LINGO1: variants seen among roughly 807,000 people sequenced by gnomAD.
LINGO1 encodes the protein leucine-rich repeat and immunoglobulin-like domain-containing nogo receptor-interacting protein 1.
LINGO1 carries 11 observed loss-of-function variants against 37.3 expected under a neutral mutation model. The ratio of observed to expected loss-of-function variants is 0.29; its 90% confidence interval spans 0.19 to 0.49. LINGO1 has a LOEUF of 0.49. Ranked by LOEUF, LINGO1 falls within the 20% of genes least tolerant of loss-of-function variation. The probability of loss-of-function intolerance (pLI) is 0.99; values close to 1 mark genes in which losing one functional copy is unlikely to be tolerated. For missense variants in LINGO1, 585 were observed against 878.2 expected (o/e 0.67, Z 4.22); for synonymous variants, 387 against 403.0 (o/e 0.96, Z 0.48).
At chr15:77,714,408 C>T (rs1258320912) in intron 2 of LINGO1, among the ~76,000 whole-genome samples, 4 of 152,148 alleles carry the variant, frequency 2.6e-5, no homozygotes, top group Non-Finnish European at 4.4e-5. Context: ...ATTCACGGCC[C>T]CCTGCCCCTT....
intron 1 of LINGO1, among the ~76,000 whole-genome samples, chr15:77,803,011 C>T (rs897572326): frequency 1.3e-5 from 2 of 152,168 alleles, no homozygotes. Context: ...TGTTCCTCAA[C>T]AGAACTGAGC....
At chr15:77,747,449 C>T (rs1398518356) in intron 1 of LINGO1, among the ~76,000 whole-genome samples, 3 of 152,208 alleles carry the variant, frequency 2.0e-5, no homozygotes, top group African/African-American at 7.2e-5. Flanking sequence ...TCAATCACTC[C>T]CCCTGCAAGC....
chr15:77,757,224 C>G (rs2076429227), intron 1 of LINGO1, among the ~76,000 whole-genome samples: 1 of 152,252 alleles, frequency 6.6e-6, no homozygotes, highest in Admixed American at 6.5e-5. Context: ...ACATTTGAGA[C>G]TTTGATATCT....
intron 3 of LINGO1, among the ~76,000 whole-genome samples, chr15:77,656,363 C>T (rs2074865715): frequency 6.6e-6 from 1 of 152,180 alleles, no homozygotes; most frequent in African/African-American, 2.4e-5. Context: ...CCTTCCTCTG[C>T]CCTTTTTCCC....
intron 3 of LINGO1, among the ~76,000 whole-genome samples, chr15:77,673,257 A>T (rs1267536593): frequency 6.6e-6 from 1 of 152,242 alleles, no homozygotes; most frequent in Non-Finnish European, 1.5e-5. Context: ...ACACAGGACA[A>T]TCTAAAACTT....
chr15:77,784,409 C>T (rs1426831612), intron 1 of LINGO1, among the ~76,000 whole-genome samples: 1 of 152,250 alleles, frequency 6.6e-6, no homozygotes, highest in Admixed American at 6.5e-5. Flanking sequence ...TAGCAGAGAC[C>T]CTGCCCAGCA....
chr15:77,768,226 C>T (rs1226578259), intron 1 of LINGO1, among the ~76,000 whole-genome samples: 1 of 150,232 alleles, frequency 6.7e-6, no homozygotes, highest in Non-Finnish European at 1.5e-5. Context: ...TTCCAGGGAA[C>T]ACCTGGGCCC....
chr15:77,808,425 G>A (rs1436875127), intron 1 of LINGO1, among the ~76,000 whole-genome samples: 1 of 152,156 alleles, frequency 6.6e-6, no homozygotes, highest in African/African-American at 2.4e-5. Flanking sequence ...TCCAGTGCAG[G>A]GAAGCTGAGC....
At chr15:77,819,223 C>T (rs1362463933) in intron 1 of LINGO1, 1 of 149,074 alleles carries the variant, frequency 6.7e-6, no homozygotes, top group Non-Finnish European at 1.5e-5. Context: ...CGGCCTGCGC[C>T]CCTGCGGCCC....
At chr15:77,749,017 C>T (rs1185162803) in intron 1 of LINGO1, among the ~76,000 whole-genome samples, 1 of 150,314 alleles carries the variant, frequency 6.7e-6, no homozygotes, top group Non-Finnish European at 1.5e-5. Context: ...AAGCTATTCT[C>T]CTACCTCAGC....
At chr15:77,819,717 A>G (rs1443717874) in intron 1 of LINGO1, among the ~76,000 whole-genome samples, 3 of 149,646 alleles carry the variant, frequency 2.0e-5, no homozygotes, top group African/African-American at 7.4e-5. Flanking sequence ...CGCCGGCCTT[A>G]GGTGCCCCGC....
chr15:77,760,422 C>T (rs2076463750), intron 1 of LINGO1, among the ~76,000 whole-genome samples: 1 of 152,246 alleles, frequency 6.6e-6, no homozygotes, highest in Admixed American at 6.5e-5. Context: ...GTTTGGCCTG[C>T]TCAGTGGTTT....
chr15:77,651,174 G>T (rs550623579), intron 3 of LINGO1, among the ~76,000 whole-genome samples: 1 of 152,346 alleles, frequency 6.6e-6, no homozygotes, highest in Non-Finnish European at 1.5e-5. Flanking sequence ...AAAGGTAGCT[G>T]TGAGCTTGCT....
intron 1 of LINGO1, among the ~76,000 whole-genome samples, chr15:77,782,267 G>C (rs1297251400): frequency 6.6e-6 from 1 of 151,980 alleles, no homozygotes; most frequent in South Asian, 2.1e-4. Flanking sequence ...ACACATGTGC[G>C]TCAGCAGGAG....
intron 2 of LINGO1, among the ~76,000 whole-genome samples, chr15:77,729,553 A>G (rs1226717719): frequency 1.3e-5 from 2 of 152,156 alleles, no homozygotes; most frequent in African/African-American, 2.4e-5. Context: ...TGGGCCCCAG[A>G]TCACTCTGTG....
chr15:77,640,826 C>CATT (rs2074487580), intron 3 of LINGO1, among the ~76,000 whole-genome samples: 2 of 112,046 alleles, frequency 1.8e-5, no homozygotes, highest in Non-Finnish European at 3.5e-5. Context: ...CCATTCATCT[C>CATT]CTCATTCATT....
intron 2 of LINGO1, among the ~76,000 whole-genome samples, chr15:77,709,515 G>C (rs1396511154): frequency 6.6e-6 from 1 of 152,236 alleles, no homozygotes; most frequent in Admixed American, 6.5e-5. Context: ...GTTTGGGGCT[G>C]GTTCAGGCTC....
At chr15:77,747,975 G>C (rs1166733842) in intron 1 of LINGO1, among the ~76,000 whole-genome samples, 1 of 152,242 alleles carries the variant, frequency 6.6e-6, no homozygotes. Flanking sequence ...GGGTCAGGTG[G>C]TTGGCCAAAG....
intron 1 of LINGO1, among the ~76,000 whole-genome samples, chr15:77,796,846 G>T (rs1014582206): frequency 6.6e-6 from 1 of 152,182 alleles, no homozygotes; most frequent in Non-Finnish European, 1.5e-5. Flanking sequence ...AAGGAGCTGG[G>T]ACTACAGTTG....
Sources: allele counts gnomAD v4.1 joint callset (sites outside exome capture counted in the v4.1 genomes callset), GRCh38; gene constraint gnomAD v4.1.1; transcripts MANE v1.5; gene names NCBI Gene and HGNC (gene_info 2026-07-23, HGNC 2026-07-21).